PIEZO2: variants seen among roughly 807,000 people sequenced by gnomAD.
PIEZO2 encodes piezo type mechanosensitive ion channel component 2.
Under a neutral mutation model 337.3 loss-of-function variants are expected in PIEZO2, and 172 were observed. The observed-to-expected ratio is 0.51, with a 90% CI of 0.45 to 0.58. The LOEUF (loss-of-function observed/expected upper bound fraction) is 0.58. Among genes scored for constraint, PIEZO2 ranks in the 20% least tolerant of loss-of-function variants. PIEZO2 has a pLI of 0.00. For synonymous variants in PIEZO2, 1,251 were observed against 1,228.5 expected (o/e 1.02, Z -0.38); for missense variants, 3,028 against 3,391.3 (o/e 0.89, Z 2.66).
chr18:10,945,850 A>G lies in PIEZO2; in HGVS notation c.286+33685T>C, dbSNP rs1274365350. 6.6e-6 allele frequency among the ~76,000 whole-genome samples: 1 copy of G among 152,228 alleles called. No homozygotes were observed. Among genetic ancestry groups the G allele is most frequent in the Non-Finnish European group, 1.5e-5 (1 of 68,038 alleles). On this transcript the variant is annotated intron_variant, in intron 3 of 55. Transcript: ENST00000674853. This position sits in a 1 kb window ranked among gnomAD's most constrained non-coding sequence, Gnocchi z 4.0. ...AGAAAAAATTGGACTTCTTGAGATA[A>G]TAACTATAATGCCTGAAATTGAAAA...
intron 38 of PIEZO2, 122 bp downstream of exon 38, chr18:10,715,528 G>C (rs1263091758): frequency 2.3e-6 from 2 of 872,332 alleles, no homozygotes; most frequent in Non-Finnish European, 1.6e-6. Context: ...AAGCAAAGGG[G>C]TTATGCCACA....
At chr18:10,728,615 C>A (rs2036633005) in intron 36 of PIEZO2, 1 of 151,852 alleles carries the variant, frequency 6.6e-6, no homozygotes, top group South Asian at 2.1e-4. Context: ...ATGTTCATGA[C>A]ATTGGTAATG....
intron 4 of PIEZO2, among the ~76,000 whole-genome samples, chr18:10,874,413 G>A (rs527666407): frequency 1.2e-3 from 190 of 152,132 alleles, no homozygotes; most frequent in African/African-American, 4.3e-3. Flanking sequence ...GAGGTTCCTC[G>A]AAAACTTAAA....
rs79219206 is a variant in PIEZO2 at position 10,926,926 on chromosome 18, T to A, written c.287-15698A>T. Among the ~76,000 whole-genome samples the A allele has an allele frequency of 7.7e-3, 1,168 of 152,364 alleles. 16 individuals are homozygous for A. Among genetic ancestry groups the A allele is most frequent in the African/African-American group, 0.026 (1,096 of 41,582 alleles). On this transcript the variant is annotated intron_variant, in intron 3 of 55. Coordinates refer to ENST00000674853, the MANE Select transcript of PIEZO2 (RefSeq NM_001378183.1). ...TTTATCATATATGTCCAAGTAACTA[T>A]GCAGTCTAACGGTGAAACAGACACT...
At chr18:10,868,970 TACTG>T (rs2042073848) in intron 5 of PIEZO2, among the ~76,000 whole-genome samples, 5 of 152,256 alleles carry the variant, frequency 3.3e-5, no homozygotes, top group South Asian at 2.1e-4. Flanking sequence ...GAGATTCTTT[TACTG>T]AGTGGGTTGG....
At chr18:10,852,839 AG>A (rs1477084635) in intron 7 of PIEZO2, among the ~76,000 whole-genome samples, 3 of 152,222 alleles carry the variant, frequency 2.0e-5, no homozygotes, top group East Asian at 1.9e-4. Context: ...GGGGCAGGAG[AG>A]GGCACCCCCC....
chr18:10,910,412 G>A lies in PIEZO2; in HGVS notation c.329+774C>T, dbSNP rs146294761. Among the ~76,000 whole-genome samples the A allele has an allele frequency of 3.7e-4, 56 of 152,174 alleles. 2 individuals carry two copies. The highest frequency in any genetic ancestry group is 1.3e-3 in the African/African-American group (54 of 41,512). ...AGTCTGGCCAACATAGTGAAACCCT[G>A]TCTCTACTAAAAATACGAAAATAAG... On this transcript the variant is annotated intron_variant, in intron 4 of 55. Transcript: ENST00000674853.
Position 11,131,848 on chromosome 18 carries a change from G to A in PIEZO2, c.64+16677C>T, listed in dbSNP as rs1395035319. Among the ~76,000 whole-genome samples, 1 of 152,168 alleles carries A rather than the reference G, an allele frequency of 6.6e-6. No individual in the cohort carries two copies. Among genetic ancestry groups the A allele is most frequent in the African/African-American group, 2.4e-5 (1 of 41,444 alleles). On this transcript the variant is annotated intron_variant, in intron 1 of 55. Coordinates refer to ENST00000674853, the MANE Select transcript of PIEZO2 (RefSeq NM_001378183.1). This position sits in a 1 kb window ranked among gnomAD's most constrained non-coding sequence, Gnocchi z 5.3. Reference sequence around the variant, plus strand: ...GAGGAGTTTAATAATGAAGCGGATAGGATGACCTGTTGTGTGGACACCACT... The same window carrying A: ...GAGGAGTTTAATAATGAAGCGGATAAGATGACCTGTTGTGTGGACACCACT...
rs555632966 is a variant in PIEZO2 at position 11,043,177 on chromosome 18, T to C, written c.160+22950A>G. Among the ~76,000 whole-genome samples the C allele has an allele frequency of 2.5e-4, 38 of 152,122 alleles. No homozygotes were observed. In the South Asian group the frequency reaches 6.9e-3, roughly 27 times the overall value. ...CTGGAGTCTACAAATGCTTATCTTA[T>C]GGAGCCCAAACTGAGCCAAGCAAAT... On this transcript the variant is annotated intron_variant, in intron 2 of 55. Transcript: ENST00000674853.
chr18:11,136,777 T>G (rs1196366284), intron 1 of PIEZO2, among the ~76,000 whole-genome samples: 1 of 152,146 alleles, frequency 6.6e-6, no homozygotes, highest in Non-Finnish European at 1.5e-5. Context: ...GAGGTGTTTG[T>G]GCAGCCTACC....
chr18:10,959,594 G>A (rs1490377181), intron 3 of PIEZO2, among the ~76,000 whole-genome samples: 1 of 152,098 alleles, frequency 6.6e-6, no homozygotes, highest in East Asian at 1.9e-4. Context: ...TATTGCGTAT[G>A]TATGCCAACA....
intron 22 of PIEZO2, 115 bp downstream of exon 22, chr18:10,762,807 G>C: frequency 7.4e-7 from 1 of 1,351,176 alleles, no homozygotes; most frequent in Admixed American, 2.4e-5. Flanking sequence ...CAGCCAGGGA[G>C]AGGTGACTTA....
intron 37 of PIEZO2, among the ~76,000 whole-genome samples, chr18:10,717,120 A>T (rs2036041997): frequency 6.6e-6 from 1 of 152,188 alleles, no homozygotes; most frequent in Non-Finnish European, 1.5e-5. Context: ...TGGTTAATAC[A>T]ACTAAGAGGT....
Position 10,861,771 on chromosome 18 carries a change from A to T in PIEZO2, c.493-4560T>A, listed in dbSNP as rs1239249248. ...AGTGGTTCATGCCTATAATCCCAGC[A>T]CCTTGGGAAGCTGAGGCAGGTGGAT... is the stretch of plus-strand genomic sequence containing the variant. On this transcript the variant is annotated intron_variant, in intron 5 of 55. Coordinates refer to ENST00000674853, the MANE Select transcript of PIEZO2 (RefSeq NM_001378183.1). This position sits in a 1 kb window ranked among gnomAD's most constrained non-coding sequence, Gnocchi z 4.3. Among the ~76,000 whole-genome samples the T allele has an allele frequency of 1.3e-5, 2 of 152,236 alleles. No homozygotes were observed. The highest frequency in any genetic ancestry group is 2.9e-5 in the Non-Finnish European group (2 of 68,032).
At chr18:11,122,942 T>TTATATGATAGCATTGATA (rs2040070226) in intron 1 of PIEZO2, among the ~76,000 whole-genome samples, 3 of 150,774 alleles carry the variant, frequency 2.0e-5, no homozygotes, top group Non-Finnish European at 4.4e-5. Flanking sequence ...TATATATAAG[T>TTATATGATAGCATTGATA]TATATGATAG....
rs2039533831 is a variant in PIEZO2, at chr18:10,795,138, TGATGGA to T, written c.1528-142_1528-137del. On this transcript the variant is annotated intron_variant, in intron 12 of 55. Transcript: ENST00000674853. The surrounding 1 kb of genome is among the most constrained non-coding windows in gnomAD (Gnocchi z 4.4). Reference sequence around the variant, plus strand: ...GGGAGAGTAGAGAGTTGTGGTGGAGTGATGGAGACCCCAAGCCGTGGAGTGGTGGCT... The same window carrying T: ...GGGAGAGTAGAGAGTTGTGGTGGAGTGACCCCAAGCCGTGGAGTGGTGGCT... 1 of 751,126 alleles carries T rather than the reference TGATGGA, an allele frequency of 1.3e-6. No homozygotes were observed. Among genetic ancestry groups the T allele is most frequent in the Non-Finnish European group, 2.1e-6 (1 of 475,518 alleles). 46.5% of individuals were successfully genotyped at this position (751,126 alleles called of 1,614,324 possible). A position where few individuals can be genotyped will look rare whatever the true frequency, so the allele number is the denominator to read the frequency against.
rs1340063330 is a variant in PIEZO2, at chr18:10,746,195, C to A, written c.4425-1964G>T. ...CAAACAGAGTGAGCTTCCTGAAATG[C>A]AAACACGTCATATTACTTGCTTGTT... On this transcript the variant is annotated intron_variant, in intron 30 of 55. Transcript: ENST00000674853. This position sits in a 1 kb window ranked among gnomAD's most constrained non-coding sequence, Gnocchi z 4.2. 6.6e-6 allele frequency among the ~76,000 whole-genome samples: 1 copy of A among 152,216 alleles called. No homozygotes were observed. Among genetic ancestry groups the A allele is most frequent in the Admixed American group, 6.5e-5 (1 of 15,288 alleles).
chr18:10,874,070 G>C (rs1251621543), intron 4 of PIEZO2, among the ~76,000 whole-genome samples: 1 of 152,034 alleles, frequency 6.6e-6, no homozygotes, highest in East Asian at 1.9e-4. Flanking sequence ...AAACTATCCA[G>C]CTGAAAGGAA....
At chr18:10,799,463 C>A (rs1057077460) in intron 11 of PIEZO2, among the ~76,000 whole-genome samples, 1 of 152,174 alleles carries the variant, frequency 6.6e-6, no homozygotes, top group African/African-American at 2.4e-5. Context: ...GTCAGAGGTG[C>A]AGCTTTTTAA....
Sources: gnomAD v4.1 joint callset for allele counts (sites outside exome capture counted in the v4.1 genomes callset) on GRCh38, gnomAD v4.1.1 for gene constraint, Gnocchi (gnomAD v3.1) non-coding constraint, MANE v1.5 for transcripts, NCBI Gene and HGNC (gene_info 2026-07-23, HGNC 2026-07-21) for gene names.